ENTREP2: variants seen among roughly 807,000 people sequenced by gnomAD.
The protein encoded by ENTREP2 is endosomal transmembrane epsin interactor 2.
chr15:29,465,607 A>G, the ENTREP2 span, among the ~76,000 whole-genome samples: 4 of 152,324 alleles, frequency 2.6e-5, no homozygotes, highest in East Asian at 7.7e-4. Context: ...GCAATCCTGG[A>G]TGTACTCTAA....
At chr15:29,532,587 C>T in the ENTREP2 span, among the ~76,000 whole-genome samples, 1 of 152,140 alleles carries the variant, frequency 6.6e-6, no homozygotes, top group East Asian at 1.9e-4. Context: ...CAAACAGCAT[C>T]ATCTTCTAAC....
the ENTREP2 span, among the ~76,000 whole-genome samples, chr15:29,310,184 C>A: frequency 1.3e-5 from 2 of 152,274 alleles, no homozygotes; most frequent in East Asian, 3.9e-4. Flanking sequence ...CATGTCCTCC[C>A]CAGCCCTCAC....
At chr15:29,566,615 C>T in the ENTREP2 span, among the ~76,000 whole-genome samples, 14 of 152,138 alleles carry the variant, frequency 9.2e-5, no homozygotes, top group Non-Finnish European at 2.1e-4. Context: ...CACCATCACA[C>T]CTGACTATTT....
chr15:29,124,749 G>C, the ENTREP2 span: 32 of 1,550,482 alleles, frequency 2.1e-5, no homozygotes, highest in Non-Finnish European at 2.7e-5. Context: ...CGGCCTGTGT[G>C]AAGAGGCATC....
chr15:29,249,933 C>G, the ENTREP2 span, among the ~76,000 whole-genome samples: 1 of 152,044 alleles, frequency 6.6e-6, no homozygotes, highest in South Asian at 2.1e-4. Context: ...AGGTGCCACA[C>G]ACTTTAAACA....
chr15:29,659,482 A>AAT, the ENTREP2 span, among the ~76,000 whole-genome samples: 73 of 151,932 alleles, frequency 4.8e-4, no homozygotes, highest in African/African-American at 1.2e-3. Flanking sequence ...AAAAAATAAA[A>AAT]AATAATAATA....
the ENTREP2 span, among the ~76,000 whole-genome samples, chr15:29,636,851 A>G: frequency 6.6e-6 from 1 of 152,228 alleles, no homozygotes; most frequent in Non-Finnish European, 1.5e-5. Flanking sequence ...TGGTGACAGC[A>G]GTATTTCTGG....
the ENTREP2 span, among the ~76,000 whole-genome samples, chr15:29,343,029 G>GGGGTT: frequency 4.6e-5 from 6 of 129,562 alleles, no homozygotes; most frequent in African/African-American, 2.4e-4. Context: ...AAAAGGAATG[G>GGGGTT]GGGGGGTGGT....
the ENTREP2 span, among the ~76,000 whole-genome samples, chr15:29,505,579 G>T: frequency 2.6e-5 from 4 of 152,214 alleles, no homozygotes; most frequent in Non-Finnish European, 5.9e-5. This position sits in a 1 kb window ranked among gnomAD's most constrained non-coding sequence, Gnocchi z 4.3. Context: ...AATCTTTGCT[G>T]TTCAGCAGCC....
chr15:29,404,016 T>A, the ENTREP2 span, among the ~76,000 whole-genome samples: 2 of 151,972 alleles, frequency 1.3e-5, no homozygotes, highest in Non-Finnish European at 2.9e-5. Flanking sequence ...CCATCTCTGC[T>A]CACACCAGGC....
chr15:29,401,195 G>A, the ENTREP2 span, among the ~76,000 whole-genome samples: 2 of 150,796 alleles, frequency 1.3e-5, no homozygotes, highest in Non-Finnish European at 3.0e-5. Flanking sequence ...TCTGAAAAGG[G>A]CCAATGAACA....
the ENTREP2 span, among the ~76,000 whole-genome samples, chr15:29,200,639 A>T: frequency 1.3e-5 from 2 of 151,684 alleles, no homozygotes; most frequent in Non-Finnish European, 2.9e-5. Flanking sequence ...CCTCACTGAA[A>T]CTTCTGCCTT....
At chr15:29,490,940 G>A in the ENTREP2 span, among the ~76,000 whole-genome samples, 1 of 152,226 alleles carries the variant, frequency 6.6e-6, no homozygotes, top group Non-Finnish European at 1.5e-5. Context: ...CCCTCTGGGA[G>A]GCTCAGGCAG....
chr15:29,601,162 G>C, the ENTREP2 span, among the ~76,000 whole-genome samples: 1 of 148,852 alleles, frequency 6.7e-6, no homozygotes, highest in Non-Finnish European at 1.5e-5. Context: ...CTCCCAAAGT[G>C]CTGGGATTAC....
the ENTREP2 span, among the ~76,000 whole-genome samples, chr15:29,453,945 G>A: frequency 5.9e-5 from 9 of 152,178 alleles, no homozygotes; most frequent in Non-Finnish European, 1.0e-4. Flanking sequence ...AAGCTTCAGT[G>A]AGTCTCTTTA....
the ENTREP2 span, among the ~76,000 whole-genome samples, chr15:29,582,755 G>A: frequency 6.6e-6 from 1 of 151,964 alleles, no homozygotes; most frequent in African/African-American, 2.4e-5. Context: ...AGGTTCAAGC[G>A]ATTCTCCTGC....
the ENTREP2 span, among the ~76,000 whole-genome samples, chr15:29,335,007 C>A: frequency 1.3e-5 from 2 of 152,152 alleles, no homozygotes; most frequent in Non-Finnish European, 2.9e-5. Flanking sequence ...ACCCAGGGAA[C>A]CCAGCCAACA....
At chr15:29,326,434 A>G in the ENTREP2 span, among the ~76,000 whole-genome samples, 1 of 152,188 alleles carries the variant, frequency 6.6e-6, no homozygotes, top group Non-Finnish European at 1.5e-5. Context: ...GCAATGAAAA[A>G]TTGGAATTTG....
At chr15:29,406,285 G>A in the ENTREP2 span, among the ~76,000 whole-genome samples, 1 of 152,122 alleles carries the variant, frequency 6.6e-6, no homozygotes, top group Non-Finnish European at 1.5e-5. Context: ...ATAAACATAA[G>A]CCTGTAATCC....
Sources: allele counts gnomAD v4.1 joint callset (sites outside exome capture counted in the v4.1 genomes callset), GRCh38; gene constraint gnomAD v4.1.1; non-coding constraint Gnocchi (gnomAD v3.1); transcripts MANE v1.5; gene names NCBI Gene and HGNC (gene_info 2026-07-23, HGNC 2026-07-21).